OR13A1: variants seen among roughly 807,000 people sequenced by gnomAD.
OR13A1 encodes the protein olfactory receptor 13A1.
A neutral mutation model predicts 7.5 loss-of-function variants in OR13A1; 10 were observed. That is an observed-to-expected ratio of 1.34 (90% CI 0.83 to 2.27). OR13A1 has a LOEUF of 2.27. Among genes scored for constraint, OR13A1 ranks in the 30% most tolerant of loss-of-function variants. OR13A1 has a pLI of 0.00. For synonymous variants in OR13A1, 238 were observed against 177.9 expected (o/e 1.34, Z -2.69); for missense variants, 509 against 419.1 (o/e 1.21, Z -1.87).
In OR13A1 at chr10:45,303,361, C is replaced by T; in HGVS notation, c.*75G>A. ...TTAGAAAAAACAAGTCTATTTACCT[C>T]CCAGTCCAGAAACTTGCTCATCAGA... On this transcript the variant is annotated 3_prime_UTR_variant, in exon 4 of 4. Coordinates refer to ENST00000553795, the MANE Select transcript of OR13A1 (RefSeq NM_001004297.3). 6.9e-7 allele frequency: 1 copy of T among 1,448,948 alleles called. No homozygotes were observed. The highest frequency in any genetic ancestry group is 1.4e-5 in the African/African-American group (1 of 70,374). 89.8% of individuals were successfully genotyped at this position (1,448,948 alleles called of 1,614,324 possible).
At chr10:45,314,482 A>T (rs1310915742) in intron 1 of OR13A1, among the ~76,000 whole-genome samples, 1 of 151,806 alleles carries the variant, frequency 6.6e-6, no homozygotes, top group African/African-American at 2.4e-5. Context: ...GCAAATCAAC[A>T]ACCTAACTTT....
Position 45,307,298 on chromosome 10 carries a change from C to T in OR13A1, c.-13+128G>A, listed in dbSNP as rs368070744. The T allele has an allele frequency of 8.5e-5, 13 of 152,338 alleles. 2 individuals carry two copies. The highest frequency in any genetic ancestry group is 2.6e-4 in the Admixed American group (4 of 15,304). 9.4% of individuals were successfully genotyped at this position (152,338 alleles called of 1,614,324 possible). The stretch of plus-strand genomic sequence containing the variant: ...ACCTTAAACACAATCTCTCTCTTAG[C>T]TCCACAATGAGATTAGAAAAACAAT... On this transcript the variant is annotated intron_variant, in intron 3 of 3. Coordinates refer to ENST00000553795, the MANE Select transcript of OR13A1 (RefSeq NM_001004297.3).
intron 3 of OR13A1, among the ~76,000 whole-genome samples, chr10:45,305,745 C>G (rs1178615640): frequency 6.6e-6 from 1 of 152,228 alleles, no homozygotes; most frequent in Non-Finnish European, 1.5e-5. Flanking sequence ...TTCCCACTCC[C>G]TGAGCCAGGA....
intron 1 of OR13A1, among the ~76,000 whole-genome samples, chr10:45,309,703 T>C (rs1047345529): frequency 6.6e-6 from 1 of 152,182 alleles, no homozygotes; most frequent in African/African-American, 2.4e-5. Flanking sequence ...CTTCTCCCAA[T>C]TCAGGATGTA....
intron 1 of OR13A1, among the ~76,000 whole-genome samples, chr10:45,313,468 C>A (rs776260174): frequency 1.3e-5 from 2 of 151,850 alleles, no homozygotes; most frequent in Non-Finnish European, 2.9e-5. Context: ...GGATTAAACT[C>A]CTGAATCAAA....
chr10:45,313,518 C>T (rs567351785), intron 1 of OR13A1, among the ~76,000 whole-genome samples: 163 of 151,998 alleles, frequency 1.1e-3, no homozygotes, highest in African/African-American at 3.6e-3. Context: ...AAGGATCCAA[C>T]TTTATCCTGT....
chr10:45,306,444 C>T (rs1448661396), intron 3 of OR13A1, among the ~76,000 whole-genome samples: 2 of 109,802 alleles, frequency 1.8e-5, no homozygotes, highest in African/African-American at 8.2e-5. Flanking sequence ...CAGAGCGAGA[C>T]TCCGTCTCAA....
At chr10:45,310,047 T>C (rs539338109) in intron 1 of OR13A1, among the ~76,000 whole-genome samples, 8 of 152,310 alleles carry the variant, frequency 5.3e-5, no homozygotes, top group African/African-American at 1.4e-4. Context: ...GGGTCATCTA[T>C]AGAAATAATT....
intron 1 of OR13A1, among the ~76,000 whole-genome samples, chr10:45,312,036 G>A (rs932191196): frequency 2.6e-5 from 4 of 151,966 alleles, no homozygotes; most frequent in African/African-American, 9.7e-5. Context: ...TAGCAAATTA[G>A]GGAAAAGTAT....
At chr10:45,311,597 A>G (rs572340409) in intron 1 of OR13A1, among the ~76,000 whole-genome samples, 10 of 152,338 alleles carry the variant, frequency 6.6e-5, no homozygotes, top group Admixed American at 2.0e-4. Flanking sequence ...AAATCAACTC[A>G]GAAATGACAA....
At chr10:45,313,793 A>G (rs1838481421) in intron 1 of OR13A1, among the ~76,000 whole-genome samples, 1 of 152,198 alleles carries the variant, frequency 6.6e-6, no homozygotes, top group Non-Finnish European at 1.5e-5. Flanking sequence ...TCAGAGAGGA[A>G]ACATAAACAG....
At chr10:45,310,588 G>C (rs1838425553) in intron 1 of OR13A1, among the ~76,000 whole-genome samples, 1 of 151,868 alleles carries the variant, frequency 6.6e-6, no homozygotes. Flanking sequence ...ATGTGGTCAA[G>C]CTGGAAAGAT....
intron 1 of OR13A1, chr10:45,308,678 T>C: frequency 6.6e-6 from 1 of 152,074 alleles, no homozygotes; most frequent in East Asian, 1.9e-4. Context: ...TAAATGTCAC[T>C]CAATCACCAT....
At chr10:45,315,492 G>C (rs189351903) in intron 1 of OR13A1, 32 bp downstream of exon 1, 1 of 151,850 alleles carries the variant, frequency 6.6e-6, no homozygotes, top group African/African-American at 2.4e-5. Context: ...CATAATAAAG[G>C]CCATATATGA....
rs1838239960 is a variant in OR13A1, at chr10:45,303,075, T to G, written c.*361A>C. ...TAGACCCACACAGCTGAATTCTAGG[T>G]GTGATTTTAGAATTTACACCCTGAG... On this transcript the variant is annotated 3_prime_UTR_variant, in exon 4 of 4. Coordinates refer to ENST00000553795, the MANE Select transcript of OR13A1 (RefSeq NM_001004297.3). 1 of 182,070 alleles carries G rather than the reference T, an allele frequency of 5.5e-6. No homozygotes were observed. The highest frequency in any genetic ancestry group is 1.1e-5 in the Non-Finnish European group (1 of 87,798). The allele number at this position is 182,070 out of a possible 1,614,324, so 11.3% of individuals were successfully genotyped here. A position where few individuals can be genotyped will look rare whatever the true frequency, so the allele number is the denominator to read the frequency against.
Position 45,303,943 on chromosome 10 carries a change from G to T in OR13A1, c.480C>A (p.Ser160Arg), listed in dbSNP as rs115161570. The T allele has an allele frequency of 6.2e-7, 1 of 1,613,560 alleles. No homozygotes were observed. The highest frequency in any genetic ancestry group is 8.5e-7 in the Non-Finnish European group (1 of 1,179,990). Residue 160 changes from serine to arginine, a missense_variant, in exon 4 of 4, where the codon AGC becomes AGA. Coordinates refer to ENST00000553795, the MANE Select transcript of OR13A1 (RefSeq NM_001004297.3). ...GCAGCCACACGGCTGTGGCCAGCCC[G>T]CTGCAGAACACCTTGCTCATCATGC... ...YSSMMSKVFC[S>R]GLATAVWLLC...
chr10:45,309,891 T>C (rs1786952131), intron 1 of OR13A1, among the ~76,000 whole-genome samples: 1 of 152,188 alleles, frequency 6.6e-6, no homozygotes, highest in Admixed American at 6.5e-5. Flanking sequence ...TGCAGAAACT[T>C]GTATAAGTCC....
intron 3 of OR13A1, among the ~76,000 whole-genome samples, chr10:45,306,635 C>T (rs920703953): frequency 1.3e-5 from 2 of 152,070 alleles, no homozygotes; most frequent in African/African-American, 2.4e-5. Flanking sequence ...ACAAAATGAC[C>T]AAACATCATC....
In OR13A1 at chr10:45,303,317, A is replaced by G; in HGVS notation, c.*119T>C. The G allele has an allele frequency of 4.6e-6, 5 of 1,087,556 alleles. No homozygotes were observed. Among genetic ancestry groups the G allele is most frequent in the Non-Finnish European group, 6.7e-6 (5 of 750,756 alleles). The allele number at this position is 1,087,556 out of a possible 1,614,324, so 67.4% of individuals were successfully genotyped here. A position where few individuals can be genotyped will look rare whatever the true frequency, so the allele number is the denominator to read the frequency against. On this transcript the variant is annotated 3_prime_UTR_variant, in exon 4 of 4. Coordinates refer to ENST00000553795, the MANE Select transcript of OR13A1 (RefSeq NM_001004297.3). ...GGGAACCAGCACTCCCAGCTCATCC[A>G]TGCACAGGTTCTGCTGGGTTAGAAA...
Sources: gnomAD v4.1 joint callset for allele counts (sites outside exome capture counted in the v4.1 genomes callset) on GRCh38, gnomAD v4.1.1 for gene constraint, MANE v1.5 for transcripts, NCBI Gene and HGNC (gene_info 2026-07-23, HGNC 2026-07-21) for gene names.